ABCA9: variants seen among roughly 807,000 people sequenced by gnomAD.
ABCA9 encodes ATP binding cassette subfamily A member 9.
Under a neutral mutation model 205.3 loss-of-function variants are expected in ABCA9, and 183 were observed. The observed-to-expected ratio is 0.89, with a 90% confidence interval of 0.79 to 1.01. ABCA9 has a LOEUF of 1.01. Ranked by LOEUF, ABCA9 falls within the 50% of genes least tolerant of loss-of-function variation. ABCA9 has a pLI of 0.00. For synonymous variants in ABCA9, 651 were observed against 683.3 expected (o/e 0.95, Z 0.74); for missense variants, 1,805 against 1,912.4 (o/e 0.94, Z 1.05).
At chr17:69,078,359 C>T in the ABCA9 span, among the ~76,000 whole-genome samples, 8 of 152,134 alleles carry the variant, frequency 5.3e-5, no homozygotes, top group East Asian at 7.7e-4. Context: ...TGCCAACGCC[C>T]GGCTAATTTT....
At chr17:69,006,663 CTTCTAGGG>C (rs933539309) in intron 25 of ABCA9, among the ~76,000 whole-genome samples, 9 of 152,116 alleles carry the variant, frequency 5.9e-5, no homozygotes, top group African/African-American at 2.2e-4. Context: ...TGGAAGGGGG[CTTCTAGGG>C]TTCTAGTATT....
At chr17:69,063,586 G>GTT, upstream of ABCA9, among the ~76,000 whole-genome samples, 1 of 140,200 alleles carries the variant, frequency 7.1e-6, no homozygotes, top group African/African-American at 2.7e-5. Flanking sequence ...ATTTCTCTTT[G>GTT]TTTTTTGTTT....
chr17:68,992,088 C>A, intron 28 of ABCA9, 87 bp downstream of exon 28: 1 of 921,132 alleles, frequency 1.1e-6, no homozygotes, highest in Non-Finnish European at 1.6e-6. Flanking sequence ...TGTGAAGTGT[C>A]TTTTACTTAA....
At chr17:69,057,441 G>C (rs73370074) in intron 1 of ABCA9, among the ~76,000 whole-genome samples, 5,193 of 152,254 alleles carry the variant, frequency 0.034, 296 homozygotes, top group African/African-American at 0.12. Context: ...GAGAGAGAGA[G>C]AGTGGCCTTT....
At chr17:69,060,798 A>C in intron 1 of ABCA9, 68 bp downstream of exon 1, 1 of 932,622 alleles carries the variant, frequency 1.1e-6, no homozygotes, top group Non-Finnish European at 1.3e-6. Context: ...AACGTCTGGC[A>C]TGCCTATTTA....
chr17:69,034,747 CAGA>C (rs2144386202), intron 8 of ABCA9: 1 of 152,196 alleles, frequency 6.6e-6, no homozygotes, highest in Non-Finnish European at 1.5e-5. Context: ...AGTAGTTGGG[CAGA>C]AGACAGAAGA....
Position 68,982,583 on chromosome 17 carries a change from C to A in ABCA9, c.4699G>T (p.Ala1567Ser), listed in dbSNP as rs778791722. The change falls in exon 37 of 39, where the codon GCT becomes TCT. Residue 1567 changes from alanine to serine, a missense_variant. Ala to Ser is a moderately conservative substitution (Grantham distance 99). Transcript: ENST00000340001. ...TTACCTATCTCTAATTTGAAGAAAGCCTGTGATAAAGGTCGCACATCCTCA... is the reference window on the plus strand; with the variant it reads ...TTACCTATCTCTAATTTGAAGAAAGACTGTGATAAAGGTCGCACATCCTCA... Reference protein sequence around the residue: ...PVEDVRPLSQAFFKLEIVKQS... With the variant: ...PVEDVRPLSQSFFKLEIVKQS... The A allele has an allele frequency of 6.2e-7, 1 of 1,613,852 alleles. No homozygotes were observed. Among genetic ancestry groups the A allele is most frequent in the African/African-American group, 1.3e-5 (1 of 74,906 alleles).
chr17:69,030,060 G>T (rs948520090), intron 10 of ABCA9, among the ~76,000 whole-genome samples: 3 of 152,092 alleles, frequency 2.0e-5, no homozygotes, highest in Admixed American at 2.0e-4. Context: ...GAAGAAAAAA[G>T]ATTTTAAGTG....
At chr17:69,023,000 G>A (rs1194681934) in intron 17 of ABCA9, among the ~76,000 whole-genome samples, 1 of 152,170 alleles carries the variant, frequency 6.6e-6, no homozygotes, top group East Asian at 1.9e-4. Context: ...ACTTTGCTGT[G>A]TGATCTTCAC....
rs1432439966 is a variant in ABCA9, at chr17:69,017,977, T to C, written c.2768-188A>G. Reference sequence around the variant, plus strand: ...CATCATAGGTATGACAAGGTTACTTTATCTAGAGCCTAGGCATTTCATTAT... The same window carrying C: ...CATCATAGGTATGACAAGGTTACTTCATCTAGAGCCTAGGCATTTCATTAT... On this transcript the variant is annotated intron_variant, in intron 20 of 38. Transcript: ENST00000340001. The C allele has an allele frequency of 3.6e-5, 20 of 561,454 alleles. No individual in the cohort carries two copies. In the East Asian group the frequency reaches 5.9e-4, roughly 17 times the overall value. 34.8% of individuals were successfully genotyped at this position (561,454 alleles called of 1,614,324 possible).
At chr17:69,062,763 T>C (rs1048580989), upstream of ABCA9, among the ~76,000 whole-genome samples, 6 of 152,168 alleles carry the variant, frequency 3.9e-5, no homozygotes, top group Non-Finnish European at 7.4e-5. Context: ...TGCACCCACC[T>C]TGGCCCCACA....
At chr17:69,062,613 C>T (rs193194365), upstream of ABCA9, among the ~76,000 whole-genome samples, 39 of 152,178 alleles carry the variant, frequency 2.6e-4, no homozygotes, top group African/African-American at 8.7e-4. Flanking sequence ...CAGGTTCAAG[C>T]GATTCTCCTG....
At chr17:68,996,083 G>T in intron 25 of ABCA9, 69 bp from the exon 26 acceptor site, 2 of 1,501,070 alleles carry the variant, frequency 1.3e-6, no homozygotes, top group Non-Finnish European at 1.8e-6. Flanking sequence ...TTTCTAAGAG[G>T]GTGGGAATTC....
At chr17:69,008,015 A>C (rs1406359506) in intron 24 of ABCA9, 47 bp downstream of exon 24, 13 of 1,533,220 alleles carry the variant, frequency 8.5e-6, no homozygotes, top group Non-Finnish European at 1.1e-5. Context: ...TACTGCATTC[A>C]TGAAAAAATA....
chr17:69,045,419 T>C (rs777984404), intron 3 of ABCA9, 83 bp from the exon 4 acceptor site: 150 of 1,228,054 alleles, frequency 1.2e-4, no homozygotes, highest in Non-Finnish European at 1.5e-4. Context: ...GGTTATTTTA[T>C]GTTAAAGCTA....
At chr17:69,050,341 CG>C (rs1567973829) in intron 2 of ABCA9, among the ~76,000 whole-genome samples, 4 of 61,444 alleles carry the variant, frequency 6.5e-5, no homozygotes, top group East Asian at 1.2e-3. Flanking sequence ...CACACACACA[CG>C]AACACACACA....
intron 7 of ABCA9, 34 bp downstream of exon 7, chr17:69,035,625 AG>A: frequency 6.2e-7 from 1 of 1,606,196 alleles, no homozygotes; most frequent in Non-Finnish European, 8.5e-7. Context: ...AGAGAGAAAG[AG>A]AATAAAAGAC....
chr17:69,007,432 A>T (rs1474185700), intron 25 of ABCA9, among the ~76,000 whole-genome samples: 1 of 152,158 alleles, frequency 6.6e-6, no homozygotes, highest in African/African-American at 2.4e-5. Context: ...AATGATGAAG[A>T]ATAAGATTGA....
intron 21 of ABCA9, among the ~76,000 whole-genome samples, chr17:69,017,401 T>G (rs577574142): frequency 6.6e-6 from 1 of 152,262 alleles, no homozygotes; most frequent in Non-Finnish European, 1.5e-5. Context: ...TGGAATCCAA[T>G]TGATAATAAC....
Sources: gnomAD v4.1 joint callset for allele counts (sites outside exome capture counted in the v4.1 genomes callset) on GRCh38, gnomAD v4.1.1 for gene constraint, MANE v1.5 for transcripts, NCBI Gene and HGNC (gene_info 2026-07-23, HGNC 2026-07-21) for gene names.